Variants in IPO11 observed in about 807,000 individuals in gnomAD.
IPO11 encodes importin-11.
Under a neutral mutation model 143.2 loss-of-function variants are expected in IPO11, and 66 were observed. That is an observed-to-expected ratio of 0.46 (90% CI 0.38 to 0.57). The LOEUF is 0.57. IPO11 is among the 20% of genes least tolerant of loss of function. The pLI is 0.00. For synonymous variants in IPO11, 385 were observed against 377.8 expected (o/e 1.02, Z -0.22); for missense variants, 1,026 against 1,141.0 (o/e 0.90, Z 1.45).
chr5:62,560,992 T>TGG (rs1341902062), intron 26 of IPO11, 144 bp from the exon 27 acceptor site: 6 of 620,920 alleles, frequency 9.7e-6, no homozygotes, highest in Non-Finnish European at 1.3e-5. Flanking sequence ...GCTCATGACT[T>TGG]AACCCCAGTT....
intron 5 of IPO11, among the ~76,000 whole-genome samples, chr5:62,456,608 G>T (rs991287938): frequency 6.6e-6 from 1 of 152,172 alleles, no homozygotes; most frequent in Non-Finnish European, 1.5e-5. Flanking sequence ...AGGCACGTAC[G>T]ACGATGCCCG....
chr5:62,589,893 G>C lies in IPO11; in HGVS notation c.2583-1684G>C, dbSNP rs537678434. ...TTGCGGTAGGCTGACGGGAGTCCTG[G>C]GAAGCCTAGAAACTGAGAGTAGCTA... On this transcript the variant is annotated intron_variant, in intron 27 of 29. Transcript: ENST00000325324. Among the ~76,000 whole-genome samples the C allele has an allele frequency of 4.6e-5, 7 of 152,254 alleles. No individual in the cohort carries two copies. In the South Asian group the frequency reaches 1.5e-3, roughly 32 times the overall value.
intron 27 of IPO11, among the ~76,000 whole-genome samples, chr5:62,561,572 T>C (rs979971130): frequency 2.0e-5 from 3 of 152,204 alleles, no homozygotes; most frequent in Non-Finnish European, 4.4e-5. Flanking sequence ...TCTGTTTACA[T>C]AGATATATTA....
chr5:62,530,617 A>G lies in IPO11; in HGVS notation c.2013-92A>G, dbSNP rs557012207. The G allele has an allele frequency of 1.2e-4, 87 of 728,636 alleles. No individual in the cohort carries two copies. The East Asian group carries it at 2.1e-3, about 17-fold the overall frequency. 45.1% of individuals were successfully genotyped at this position (728,636 alleles called of 1,614,324 possible). A position where few individuals can be genotyped will look rare whatever the true frequency, so the allele number is the denominator to read the frequency against. ...ACTGATTATACACTTACCTTTCTTC[A>G]TTTAAATGAGACCTTTTAAAATATT... On this transcript the variant is annotated intron_variant, in intron 21 of 29. Transcript: ENST00000325324.
chr5:62,433,182 G>A (rs964857787), intron 1 of IPO11, among the ~76,000 whole-genome samples: 5 of 148,764 alleles, frequency 3.4e-5, no homozygotes, highest in Non-Finnish European at 4.4e-5. Context: ...TCTACTTAAA[G>A]TGTTGGCATT....
chr5:62,603,613 C>A (rs1745589290), intron 29 of IPO11, among the ~76,000 whole-genome samples: 1 of 152,322 alleles, frequency 6.6e-6, no homozygotes, highest in African/African-American at 2.4e-5. Flanking sequence ...CACACTTACA[C>A]TCAGATGGGA....
chr5:62,552,476 T>G (rs1281293367), intron 26 of IPO11, among the ~76,000 whole-genome samples: 3 of 150,672 alleles, frequency 2.0e-5, no homozygotes, highest in Admixed American at 6.6e-5. Context: ...TTTTTTAGTT[T>G]TTTTTTTTTT....
At chr5:62,493,252 TTCTGAAAATAA>T (rs1741012357) in intron 15 of IPO11, among the ~76,000 whole-genome samples, 1 of 152,218 alleles carries the variant, frequency 6.6e-6, no homozygotes, top group Non-Finnish European at 1.5e-5. Context: ...TCTTACATTG[TTCTGAAAATAA>T]TCTTCATAGT....
At chr5:62,542,698 C>G (rs963261483) in intron 24 of IPO11, among the ~76,000 whole-genome samples, 6 of 152,126 alleles carry the variant, frequency 3.9e-5, no homozygotes, top group South Asian at 2.1e-4. Flanking sequence ...GCAAAGGATA[C>G]GCTTTACTTT....
chr5:62,468,932 T>C (rs1745662505), intron 6 of IPO11, among the ~76,000 whole-genome samples: 1 of 152,242 alleles, frequency 6.6e-6, no homozygotes, highest in African/African-American at 2.4e-5. Context: ...TAGTATCTTT[T>C]AGACATGGAT....
At chr5:62,579,896 A>G in intron 27 of IPO11, 1 of 1,551,096 alleles carries the variant, frequency 6.4e-7, no homozygotes, top group Non-Finnish European at 8.7e-7. Flanking sequence ...GGAGTATTTA[A>G]TGATCTAGTT....
chr5:62,415,710 C>T (rs1743270292), intron 1 of IPO11, among the ~76,000 whole-genome samples: 1 of 151,920 alleles, frequency 6.6e-6, no homozygotes, highest in Non-Finnish European at 1.5e-5. Flanking sequence ...TCAGGTGATC[C>T]CCCTGCCTCA....
intron 29 of IPO11, among the ~76,000 whole-genome samples, chr5:62,620,619 T>G (rs1425651405): frequency 1.3e-5 from 2 of 152,126 alleles, no homozygotes; most frequent in African/African-American, 2.4e-5. Flanking sequence ...TTTTTCTGGT[T>G]GACAGTTGGT....
At position 62,548,562 on chromosome 5, in the gene IPO11, G is replaced by A. The variant is rs547173337; in HGVS notation, c.2251-1805G>A. On this transcript the variant is annotated intron_variant, in intron 24 of 29. Coordinates refer to ENST00000325324, the MANE Select transcript of IPO11 (RefSeq NM_016338.5). ...CACTCTCTTCGTTCTCCTGGATTGG[G>A]CATCAGTTGTCCAGATACTACAGAG... is the stretch of plus-strand genomic sequence containing the variant. Among the ~76,000 whole-genome samples the A allele has an allele frequency of 1.4e-4, 21 of 152,190 alleles. No homozygotes were observed. In the East Asian group the frequency reaches 4.0e-3, roughly 29 times the overall value.
chr5:62,438,010 A>G (rs1744302973), intron 2 of IPO11, among the ~76,000 whole-genome samples: 1 of 152,202 alleles, frequency 6.6e-6, no homozygotes, highest in Non-Finnish European at 1.5e-5. Context: ...TTTGTGTTGA[A>G]CACTTTCCTT....
intron 5 of IPO11, among the ~76,000 whole-genome samples, chr5:62,462,881 A>C (rs1384359549): frequency 7.0e-6 from 1 of 143,290 alleles, no homozygotes. Flanking sequence ...TACTGTCACC[A>C]TCCTTTTTTT....
intron 28 of IPO11, among the ~76,000 whole-genome samples, chr5:62,596,752 C>T (rs1745239498): frequency 6.6e-6 from 1 of 151,888 alleles, no homozygotes; most frequent in Admixed American, 6.6e-5. Context: ...TCTCTCTCTT[C>T]AGTTTTCCCC....
Position 62,515,406 on chromosome 5 carries a change from T to C in IPO11, c.1801T>C (p.Cys601Arg). 3.7e-6 allele frequency: 6 copies of C among 1,607,504 alleles called. No individual in the cohort carries two copies. Among genetic ancestry groups the C allele is most frequent in the Non-Finnish European group, 4.2e-6 (5 of 1,177,970 alleles). ...VNMQIRPYVGCLVQYLPLLWK... is the reference protein window; with the variant it reads ...VNMQIRPYVGRLVQYLPLLWK... ...GTAATAGATACGACCATATGTGGGATGTTTGGTACAATATTTGCCCCTCCT... is the reference window on the plus strand; with the variant it reads ...GTAATAGATACGACCATATGTGGGACGTTTGGTACAATATTTGCCCCTCCT... Residue 601 changes from cysteine (C) to arginine (R), a missense_variant, in exon 20 of 30, where the codon TGT becomes CGT. Cys to Arg is a radical substitution (Grantham distance 180, BLOSUM62 -3). This residue lies in a region of IPO11 where 237 missense variants were observed against 288.0 expected (regional missense o/e 0.82). Transcript: ENST00000325324.
Position 62,504,649 on chromosome 5 carries a change from T to C in IPO11, c.1591-18T>C, listed in dbSNP as rs781242450. On this transcript the variant is annotated intron_variant, in intron 16 of 29. Transcript: ENST00000325324. ...TCATTCTAAAATAATTAAAAACTAA[T>C]GATATACTTTCTTTTAGGTCCGTAT... The C allele has an allele frequency of 5.8e-6, 8 of 1,386,590 alleles. No individual in the cohort carries two copies. The highest frequency in any genetic ancestry group is 2.4e-5 in the East Asian group (1 of 41,746). 85.9% of individuals were successfully genotyped at this position (1,386,590 alleles called of 1,614,324 possible). A position where few individuals can be genotyped will look rare whatever the true frequency, so the allele number is the denominator to read the frequency against.
Sources: gnomAD v4.1 joint callset for allele counts (sites outside exome capture counted in the v4.1 genomes callset) on GRCh38, gnomAD v4.1.1 for gene constraint, gnomAD v4.1.1 regional missense constraint, MANE v1.5 for transcripts, NCBI Gene and HGNC (gene_info 2026-07-23, HGNC 2026-07-21) for gene names.